Variants in FASTKD1 observed in about 807,000 individuals in gnomAD.
The protein encoded by FASTKD1 is FAST kinase domains 1.
A neutral mutation model predicts 90.9 loss-of-function variants in FASTKD1; 94 were observed. That is an observed-to-expected ratio of 1.03 (90% CI 0.88 to 1.23). The LOEUF (loss-of-function observed/expected upper bound fraction) is 1.23. Ranked by LOEUF, FASTKD1 falls within the 50% of genes most tolerant of loss-of-function variation. The pLI is 0.00. For synonymous variants in FASTKD1, 319 were observed against 345.8 expected, an observed-to-expected ratio of 0.92 and a Z score of 0.86; for missense variants, 945 against 993.5, an observed-to-expected ratio of 0.95 and a Z score of 0.66.
intron 4 of FASTKD1, among the ~76,000 whole-genome samples, chr2:169,562,128 A>T (rs535893099): frequency 7.6e-6 from 1 of 130,750 alleles, no homozygotes; most frequent in East Asian, 1.9e-4. Context: ...TTGTAAATTA[A>T]TTATTTATTA....
At chr2:169,561,744 C>CT (rs1559156369) in intron 4 of FASTKD1, among the ~76,000 whole-genome samples, 1 of 72,946 alleles carries the variant, frequency 1.4e-5, no homozygotes, top group African/African-American at 4.1e-5. Flanking sequence ...ATTAATTATT[C>CT]ATTATAAATT....
In FASTKD1 at chr2:169,557,218, T is replaced by C; in HGVS notation, c.1051A>G (p.Met351Val). 2 of 1,612,270 alleles carry C rather than the reference T, an allele frequency of 1.2e-6. No homozygotes were observed. The highest frequency in any genetic ancestry group is 1.7e-6 in the Non-Finnish European group (2 of 1,178,646). The change falls in exon 6 of 15, where the codon ATG becomes GTG. Residue 351 changes from methionine to valine, a missense_variant. Met to Val is a conservative substitution (Grantham distance 21). Transcript: ENST00000453153. ...ATCAGACATGAGTTTCTGCTTTCCA[T>C]ATCTCCCATTGCTCCCAACACTGCC... ...ALAVLGAMGD[M>V]ESRNSCLIKR...
rs191559621 is a variant in FASTKD1 at position 169,531,309 on chromosome 2, A to C, written c.2327+43T>G. ...ACTTCAGTATAGTACACCAAATTTA[A>C]CATTTAGATATTAATACAATCTAAA... is the stretch of plus-strand genomic sequence containing the variant. On this transcript the variant is annotated intron_variant, in intron 13 of 14. Transcript: ENST00000453153. 1.3e-5 allele frequency: 20 copies of C among 1,592,000 alleles called. No individual in the cohort carries two copies. In the East Asian group the frequency reaches 4.5e-4, roughly 36 times the overall value.
In FASTKD1 at chr2:169,554,402, A is replaced by G. The variant is rs533908866; in HGVS notation, c.1214+722T>C. ...TTTTTCGCTGGGCATGGTGGCTCACATCTGTAATCCCAACACTTTGGGAGG... is the reference window on the plus strand; with the variant it reads ...TTTTTCGCTGGGCATGGTGGCTCACGTCTGTAATCCCAACACTTTGGGAGG... On this transcript the variant is annotated intron_variant, in intron 7 of 14. Coordinates refer to ENST00000453153, the MANE Select transcript of FASTKD1 (RefSeq NM_024622.6). Among the ~76,000 whole-genome samples, 3 of 151,696 alleles carry G rather than the reference A, an allele frequency of 2.0e-5. No homozygotes were observed. In the East Asian group the frequency reaches 5.8e-4, roughly 29 times the overall value.
chr2:169,541,396 A>C (rs1684949056), intron 9 of FASTKD1, among the ~76,000 whole-genome samples: 1 of 152,234 alleles, frequency 6.6e-6, no homozygotes. Context: ...ATGACTGAAC[A>C]ACCAGGAGAA....
At chr2:169,533,398 A>C (rs1166946428) in intron 12 of FASTKD1, among the ~76,000 whole-genome samples, 2 of 152,214 alleles carry the variant, frequency 1.3e-5, no homozygotes, top group African/African-American at 4.8e-5. Context: ...AGAATTCATT[A>C]AGAGAATGAA....
intron 12 of FASTKD1, among the ~76,000 whole-genome samples, chr2:169,533,231 T>C (rs988382460): frequency 3.3e-5 from 5 of 152,240 alleles, no homozygotes; most frequent in Non-Finnish European, 1.5e-5. Flanking sequence ...TATAGGATGA[T>C]AAAGATGATA....
At position 169,571,725 on chromosome 2, in the gene FASTKD1, T is replaced by G. The variant is rs200536187; in HGVS notation, c.305A>C (p.His102Pro). 53 of 1,613,466 alleles carry G rather than the reference T, an allele frequency of 3.3e-5. 1 individual carries two copies. The East Asian group carries it at 1.1e-3, about 33-fold the overall frequency. ...TTTGAATTTATTTGTAGCTAAATTA[T>G]GAAGAGTAAGAAATTGAGGATGGTC... ...VRDHPQFLTL[H>P]NLATNKFKLM... is the part of the protein sequence containing the mutation. Residue 102 changes from histidine (H) to proline (P), a missense_variant, in exon 2 of 15, where the codon CAT becomes CCT. His to Pro is a moderately conservative substitution (Grantham distance 77). Coordinates refer to ENST00000453153, the MANE Select transcript of FASTKD1 (RefSeq NM_024622.6).
intron 2 of FASTKD1, chr2:169,571,082 A>C (rs936139908): frequency 2.0e-5 from 3 of 152,444 alleles, no homozygotes; most frequent in African/African-American, 7.2e-5. Flanking sequence ...CACAGTTAAC[A>C]ATAGTATTAC....
At chr2:169,539,713 A>G (rs1406320202) in intron 10 of FASTKD1, among the ~76,000 whole-genome samples, 3 of 151,898 alleles carry the variant, frequency 2.0e-5, no homozygotes, top group African/African-American at 4.8e-5. Context: ...TCAGTGAGCT[A>G]TGACTGCACC....
At chr2:169,549,422 A>T (rs1685388457) in intron 7 of FASTKD1, among the ~76,000 whole-genome samples, 1 of 152,152 alleles carries the variant, frequency 6.6e-6, no homozygotes, top group Non-Finnish European at 1.5e-5. Context: ...ATTAAAAATA[A>T]AAATAAATAA....
intron 11 of FASTKD1, 140 bp from the exon 12 acceptor site, chr2:169,537,480 G>T: frequency 2.0e-6 from 1 of 509,092 alleles, no homozygotes; most frequent in Non-Finnish European, 3.4e-6. Flanking sequence ...TGCCTCCCCA[G>T]TTCAAGCAAT....
chr2:169,561,511 G>C (rs1437344863), intron 4 of FASTKD1, among the ~76,000 whole-genome samples: 1 of 151,756 alleles, frequency 6.6e-6, no homozygotes, highest in Admixed American at 6.6e-5. Flanking sequence ...ATGAAAACCA[G>C]AGAAACTCCT....
rs1232986617 is a variant in FASTKD1, at chr2:169,561,692, AAATTATTAATCTATTATAAATT to A, written c.573-929_573-908del. Among the ~76,000 whole-genome samples the A allele has an allele frequency of 3.1e-4, 46 of 148,142 alleles. 1 individual carries two copies. The highest frequency in any genetic ancestry group is 1.0e-3 in the Admixed American group (15 of 14,824). On this transcript the variant is annotated intron_variant, in intron 4 of 14. Transcript: ENST00000453153. ...AATTAATTATAAATTAATCCATTAT[AAATTATTAATCTATTATAAATT>A]AATTATTAATCTATTATAAATTAAT...
At chr2:169,538,363 G>C (rs1262248587) in intron 10 of FASTKD1, among the ~76,000 whole-genome samples, 10 of 152,158 alleles carry the variant, frequency 6.6e-5, no homozygotes, top group African/African-American at 2.4e-4. Flanking sequence ...CATTAATCAT[G>C]AACGTTAAAA....
At chr2:169,537,381 TTTC>T in intron 11 of FASTKD1, 41 bp from the exon 12 acceptor site, 1 of 1,374,384 alleles carries the variant, frequency 7.3e-7, no homozygotes. Flanking sequence ...TAATCTTTTT[TTTC>T]TTTTTTTTTT....
chr2:169,554,877 T>C (rs1455728479), intron 7 of FASTKD1, among the ~76,000 whole-genome samples: 1 of 152,212 alleles, frequency 6.6e-6, no homozygotes, highest in Non-Finnish European at 1.5e-5. Context: ...GGCTTTGCTA[T>C]TCATCAGTTT....
At chr2:169,542,154 T>C (rs1279604050) in intron 9 of FASTKD1, among the ~76,000 whole-genome samples, 1 of 152,176 alleles carries the variant, frequency 6.6e-6, no homozygotes, top group Non-Finnish European at 1.5e-5. Context: ...CATCTGACCT[T>C]AGAGCCTTGT....
intron 4 of FASTKD1, among the ~76,000 whole-genome samples, chr2:169,562,149 A>G (rs1297673978): frequency 6.9e-6 from 1 of 144,604 alleles, no homozygotes; most frequent in African/African-American, 2.5e-5. Flanking sequence ...ATTTATTGTA[A>G]ATTAATTATT....
Sources: allele counts gnomAD v4.1 joint callset (sites outside exome capture counted in the v4.1 genomes callset), GRCh38; gene constraint gnomAD v4.1.1; transcripts MANE v1.5; gene names NCBI Gene and HGNC (gene_info 2026-07-23, HGNC 2026-07-21).